The following RNF25 variants were observed in gnomAD, a reference collection of about 807,000 sequenced individuals.
RNF25 encodes the protein E3 ubiquitin-protein ligase RNF25.
A neutral mutation model predicts 65.0 loss-of-function variants in RNF25; 32 were observed. The observed-to-expected ratio is 0.49, with a 90% CI of 0.37 to 0.66. The LOEUF (loss-of-function observed/expected upper bound fraction) is 0.66, where lower values mean the gene tolerates loss of function less well. Among genes scored for constraint, RNF25 ranks in the 30% least tolerant of loss-of-function variants. RNF25 has a pLI of 0.00. For synonymous variants in RNF25, 207 were observed against 221.2 expected (o/e 0.94, Z 0.57); for missense variants, 493 against 584.8 (o/e 0.84, Z 1.62).
In RNF25 at chr2:218,666,150, G is replaced by A. The variant is rs902337844; in HGVS notation, c.429+9C>T. 1.2e-6 allele frequency: 2 copies of A among 1,613,882 alleles called. No homozygotes were observed. The highest frequency in any genetic ancestry group is 1.7e-6 in the Non-Finnish European group (2 of 1,179,788). ...AAACAGAATGCCAGGTCCCAAGAGA[G>A]AAACCCACCTGGAAACCATAGAGGC... On this transcript the variant is annotated intron_variant, in intron 6 of 9. Transcript: ENST00000295704.
At chr2:218,671,731 A>C (rs1015726863) in intron 1 of RNF25, among the ~76,000 whole-genome samples, 199 bp downstream of exon 1, 9 of 152,058 alleles carry the variant, frequency 5.9e-5, no homozygotes, top group Non-Finnish European at 1.2e-4. Context: ...GCGGGCGCCG[A>C]CCCGTTCTCC....
At chr2:218,671,722 C>A (rs1358900225) in intron 1 of RNF25, among the ~76,000 whole-genome samples, 1 of 152,166 alleles carries the variant, frequency 6.6e-6, no homozygotes, top group African/African-American at 2.4e-5. Flanking sequence ...ACTGGCCTGG[C>A]GGGCGCCGAC....
chr2:218,671,848 G>T, intron 1 of RNF25, 82 bp downstream of exon 1: 3 of 1,501,636 alleles, frequency 2.0e-6, no homozygotes, highest in Non-Finnish European at 1.8e-6. Flanking sequence ...CCACACGCCC[G>T]CCGTACGGAC....
Position 218,663,991 on chromosome 2 carries a change from T to C in RNF25, c.1346A>G (p.Glu449Gly). 6.9e-7 allele frequency: 1 copy of C among 1,459,258 alleles called. No individual in the cohort carries two copies. The highest frequency in any genetic ancestry group is 2.5e-5 in the Admixed American group (1 of 40,168). 90.4% of individuals were successfully genotyped at this position (1,459,258 alleles called of 1,614,324 possible). The change falls in exon 10 of 10, where the codon GAG (glutamate) becomes GGG (glycine). Residue 449 changes from glutamate to glycine, a missense_variant. By Grantham distance (98) the Glu-to-Gly change is moderately conservative. Transcript: ENST00000295704. Reference protein sequence around the residue: ...QGAYRPGTRRESLGLESKDGS With the variant: ...QGAYRPGTRRGSLGLESKDGS Reference sequence around the variant, plus strand: ...ATCCTTAGATTCCAGGCCCAGGGACTCCCTCCGAGTACCAGGCCGGTATGC... The same window carrying C: ...ATCCTTAGATTCCAGGCCCAGGGACCCCCTCCGAGTACCAGGCCGGTATGC...
chr2:218,664,093 C>T lies in RNF25; in HGVS notation c.1244G>A (p.Arg415Gln), dbSNP rs139628113. The T allele has an allele frequency of 2.4e-5, 37 of 1,522,676 alleles. No individual in the cohort carries two copies. Among genetic ancestry groups the T allele is most frequent in the East Asian group, 1.6e-4 (7 of 44,158 alleles). 94.3% of individuals were successfully genotyped at this position (1,522,676 alleles called of 1,614,324 possible). The change falls in exon 10 of 10, where the codon CGG (arginine) becomes CAG (glutamine). Residue 415 changes from arginine to glutamine, a missense_variant. Arg to Gln is a conservative substitution (Grantham distance 43). This residue lies in a region of RNF25 where 351 missense variants were observed against 400.2 expected (regional missense o/e 0.88). Coordinates refer to ENST00000295704, the MANE Select transcript of RNF25 (RefSeq NM_022453.3). The surrounding 1 kb of genome is among the most constrained non-coding windows in gnomAD (Gnocchi z 5.1). ...SWQGPPPRRT[R>Q]DCVRWERSKG... is the part of the protein sequence containing the mutation. The stretch of plus-strand genomic sequence containing the variant: ...AGAGCGCTCCCAGCGAACACAGTCC[C>T]GAGTCCTGCGGGGTGGGGGCCCCTG...
chr2:218,664,127 C>T lies in RNF25; in HGVS notation c.1210G>A (p.Gly404Ser). ...CGGGGTGGGGGCCCCTGCCAGCTGC[C>T]AGGCCCCTTCTCTTGTGGAGGACCT... The part of the protein sequence containing the change: ...VEGPPQEKGP[G>S]SWQGPPPRRT... Residue 404 changes from glycine to serine, a missense_variant, in exon 10 of 10, where the codon GGC (glycine) becomes AGC (serine). Physicochemically the swap from Gly to Ser is moderately conservative, Grantham distance 56. This residue lies in a region of RNF25 where 351 missense variants were observed against 400.2 expected (regional missense o/e 0.88). Coordinates refer to ENST00000295704, the MANE Select transcript of RNF25 (RefSeq NM_022453.3). This position sits in a 1 kb window ranked among gnomAD's most constrained non-coding sequence, Gnocchi z 5.1. 11 of 1,526,064 alleles carry T rather than the reference C, an allele frequency of 7.2e-6. No homozygotes were observed. Among genetic ancestry groups the T allele is most frequent in the Non-Finnish European group, 9.7e-6 (11 of 1,139,564 alleles). 94.5% of individuals were successfully genotyped at this position (1,526,064 alleles called of 1,614,324 possible).
intron 1 of RNF25, among the ~76,000 whole-genome samples, chr2:218,669,386 C>T (rs1189561623): frequency 6.6e-6 from 1 of 152,234 alleles, no homozygotes; most frequent in Admixed American, 6.5e-5. Context: ...GATTTGTTTA[C>T]ATAAAGTACC....
intron 1 of RNF25, among the ~76,000 whole-genome samples, chr2:218,670,834 C>T (rs547525363): frequency 6.6e-6 from 1 of 151,342 alleles, no homozygotes; most frequent in East Asian, 1.9e-4. Context: ...CACTTTACTT[C>T]TTTGGGACTC....
Position 218,664,763 on chromosome 2 carries a change from G to A in RNF25, c.777C>T (p.Asn259=), listed in dbSNP as rs1244241987. 1.9e-6 allele frequency: 3 copies of A among 1,614,124 alleles called. No homozygotes were observed. The highest frequency in any genetic ancestry group is 2.5e-6 in the Non-Finnish European group (3 of 1,180,058). Residue 259 remains asparagine, a synonymous_variant, in exon 9 of 10, where the codon AAC becomes AAT. Transcript: ENST00000295704. The surrounding 1 kb of genome is among the most constrained non-coding windows in gnomAD (Gnocchi z 5.1). The stretch of plus-strand genomic sequence containing the variant: ...CCTGCTGAAGGCTGATGAAGTATCG[G>A]TTTCGCTCAGCCTCAAGGTCAATGA... ...GGIIDLEAER[N]RYFISLQQPP... is the part of the protein sequence containing the mutation.
rs1486988531 is a variant in RNF25 at position 218,671,949 on chromosome 2, C to G, written c.22G>C (p.Ala8Pro). 1.9e-6 allele frequency: 3 copies of G among 1,614,134 alleles called. No homozygotes were observed. Among genetic ancestry groups the G allele is most frequent in the Non-Finnish European group, 2.5e-6 (3 of 1,180,056 alleles). ...AGTTACCAGTCCTCCTCCCCTGCAGCTGCAGACGCAGACGCCGCCATATCT... is the reference window on the plus strand; with the variant it reads ...AGTTACCAGTCCTCCTCCCCTGCAGGTGCAGACGCAGACGCCGCCATATCT... MAASASA[A>P]AGEEDWVLPS... Residue 8 changes from alanine (A) to proline (P), a missense_variant, in exon 1 of 10, where the codon GCT (alanine) becomes CCT (proline). Around this residue, in one of 3 missense-constraint regions of RNF25, gnomAD observed 34 missense variants for 18.6 expected, o/e 1.83. Transcript: ENST00000295704.
chr2:218,671,339 A>C (rs1401085614), intron 1 of RNF25, among the ~76,000 whole-genome samples: 1 of 152,182 alleles, frequency 6.6e-6, no homozygotes, highest in Non-Finnish European at 1.5e-5. Context: ...CAGCTAATAA[A>C]ATGTGGAGTT....
intron 1 of RNF25, among the ~76,000 whole-genome samples, chr2:218,669,596 A>G (rs1206537675): frequency 6.6e-6 from 1 of 152,202 alleles, no homozygotes; most frequent in Admixed American, 6.5e-5. Context: ...AGGGACACAC[A>G]TACTTAAGCA....
chr2:218,671,917 C>A lies in RNF25; in HGVS notation c.41+13G>T. The A allele has an allele frequency of 6.2e-7, 1 of 1,614,190 alleles. No homozygotes were observed. The highest frequency in any genetic ancestry group is 2.2e-5 in the East Asian group (1 of 44,886). Reference sequence around the variant, plus strand: ...TCCAGGCTGTCAGCCAAAGCCCATGCCCCCAAAGTTACCAGTCCTCCTCCC... The same window carrying A: ...TCCAGGCTGTCAGCCAAAGCCCATGACCCCAAAGTTACCAGTCCTCCTCCC... On this transcript the variant is annotated intron_variant, in intron 1 of 9. Transcript: ENST00000295704.
chr2:218,664,334 C>A lies in RNF25; in HGVS notation c.1003G>T (p.Ala335Ser). Residue 335 changes from alanine (A) to serine (S), a missense_variant, in exon 10 of 10, where the codon GCT (alanine) becomes TCT (serine). Ala to Ser is a moderately conservative substitution (Grantham distance 99). Around this residue, in one of 3 missense-constraint regions of RNF25, gnomAD observed 351 missense variants for 400.2 expected, o/e 0.88. Coordinates refer to ENST00000295704, the MANE Select transcript of RNF25 (RefSeq NM_022453.3). This position sits in a 1 kb window ranked among gnomAD's most constrained non-coding sequence, Gnocchi z 5.1. ...CTGGGCTTGGGGGGATCTAGCATAG[C>A]TTTCTGGGTTTCGCCCAACCTTTGC... ...NQQRLGETQK[A>S]MLDPPKPSRG... is the part of the protein sequence containing the mutation. 6.2e-7 allele frequency: 1 copy of A among 1,614,140 alleles called. No homozygotes were observed. Among genetic ancestry groups the A allele is most frequent in the Non-Finnish European group, 8.5e-7 (1 of 1,180,008 alleles).
chr2:218,669,791 A>G (rs1027447621), intron 1 of RNF25, among the ~76,000 whole-genome samples: 1 of 152,222 alleles, frequency 6.6e-6, no homozygotes, highest in Non-Finnish European at 1.5e-5. Context: ...ACTTCAAAAT[A>G]TAAAATATAA....
chr2:218,667,991 G>A lies in RNF25; in HGVS notation c.288-10C>T, dbSNP rs1939870888. 6.2e-7 allele frequency: 1 copy of A among 1,614,060 alleles called. No individual in the cohort carries two copies. The highest frequency in any genetic ancestry group is 1.3e-5 in the African/African-American group (1 of 74,948). On this transcript the variant is annotated splice_polypyrimidine_tract_variant and intron_variant, in intron 4 of 9. Transcript: ENST00000295704. The stretch of plus-strand genomic sequence containing the variant: ...CAGCACCTGTAAGATCCTGGAGGAA[G>A]AGGGCAAACCAAATATTAGACCTGC...
At position 218,664,587 on chromosome 2, in the gene RNF25, G is replaced by T; in HGVS notation, c.802-52C>A. On this transcript the variant is annotated intron_variant, in intron 9 of 9. Coordinates refer to ENST00000295704, the MANE Select transcript of RNF25 (RefSeq NM_022453.3). The surrounding 1 kb of genome is among the most constrained non-coding windows in gnomAD (Gnocchi z 5.1). Reference sequence around the variant, plus strand: ...AGGGAGATGCAGTTCCTCAAGGTGGGGAACTACAGGCCCCTCTCCTACTAT... The same window carrying T: ...AGGGAGATGCAGTTCCTCAAGGTGGTGAACTACAGGCCCCTCTCCTACTAT... The T allele has an allele frequency of 1.3e-6, 2 of 1,585,366 alleles. No homozygotes were observed. The highest frequency in any genetic ancestry group is 2.3e-5 in the South Asian group (2 of 87,394).
intron 5 of RNF25, among the ~76,000 whole-genome samples, chr2:218,667,385 T>C (rs1030185069): frequency 2.0e-5 from 3 of 149,840 alleles, no homozygotes; most frequent in African/African-American, 7.4e-5. Context: ...GGAGTCTCAC[T>C]CTGTTGCCCA....
intron 1 of RNF25, among the ~76,000 whole-genome samples, chr2:218,670,587 T>C (rs958839874): frequency 1.3e-5 from 2 of 150,142 alleles, no homozygotes; most frequent in African/African-American, 4.9e-5. Context: ...TCCCAGCTAC[T>C]CGGGAGGCTG....
Sources: gnomAD v4.1 joint callset for allele counts (sites outside exome capture counted in the v4.1 genomes callset) on GRCh38, gnomAD v4.1.1 for gene constraint, gnomAD v4.1.1 regional missense constraint, Gnocchi (gnomAD v3.1) non-coding constraint, MANE v1.5 for transcripts, NCBI Gene and HGNC (gene_info 2026-07-23, HGNC 2026-07-21) for gene names.